The following KLHL13 variants were observed in gnomAD, a reference collection of about 807,000 sequenced individuals.
KLHL13 encodes the protein kelch-like protein 13.
In KLHL13, 10 loss-of-function variants were observed where a neutral mutation model predicts 37.1. That is an observed-to-expected ratio of 0.27 (90% CI 0.17 to 0.46). The LOEUF (loss-of-function observed/expected upper bound fraction) is 0.46, where lower values mean the gene tolerates loss of function less well. Ranked by LOEUF, KLHL13 falls within the 20% of genes least tolerant of loss-of-function variation. KLHL13 has a pLI of 1.00. For synonymous variants in KLHL13, 163 were observed against 181.2 expected (o/e 0.90, Z 0.81); for missense variants, 360 against 509.3 (o/e 0.71, Z 2.82).
intron 2 of KLHL13, among the ~76,000 whole-genome samples, chrX:117,924,735 G>C (rs1239807542): frequency 9.0e-6 from 1 of 110,757 alleles, no homozygotes; most frequent in African/African-American, 3.3e-5. Flanking sequence ...CCTTGGGTTT[G>C]ATTTAAGAGG....
intron 1 of KLHL13, among the ~76,000 whole-genome samples, chrX:118,113,330 G>T (rs1408760081): frequency 1.8e-5 from 2 of 111,454 alleles, no homozygotes; most frequent in African/African-American, 6.5e-5. Context: ...AATTTCCCTG[G>T]ATAATTTTTT....
At chrX:117,922,641 T>C (rs1931780588) in intron 2 of KLHL13, among the ~76,000 whole-genome samples, 1 of 111,490 alleles carries the variant, frequency 9.0e-6, no homozygotes, top group African/African-American at 3.3e-5. Flanking sequence ...TTTGTGGTAG[T>C]TTGTGGTAGT....
intron 1 of KLHL13, among the ~76,000 whole-genome samples, chrX:117,992,329 T>A (rs2147948928): frequency 9.0e-6 from 1 of 110,632 alleles, no homozygotes; most frequent in Admixed American, 9.6e-5. Context: ...CCATCGCACC[T>A]TTCCTGACTC....
chrX:117,904,655 A>T (rs761432659), intron 5 of KLHL13, among the ~76,000 whole-genome samples: 1 of 112,404 alleles, frequency 8.9e-6, no homozygotes, highest in African/African-American at 3.2e-5. Flanking sequence ...AAAATTCTAT[A>T]AAATTCAAAT....
rs143195575 is a variant in KLHL13 at position 118,050,000 on chromosome X, A to C, written c.-56+66508T>G. 7.5e-3 allele frequency among the ~76,000 whole-genome samples: 848 copies of C among 112,389 alleles called. 11 individuals are homozygous for C. Among genetic ancestry groups the C allele is most frequent in the African/African-American group, 0.026 (804 of 30,976 alleles). ...TTCATGTTGGCTATAGGTATACACC[A>C]TACACCATGCAGTTCCACTGCTTAA... On this transcript the variant is annotated intron_variant, in intron 1 of 6. Transcript: ENST00000371882.
intron 1 of KLHL13, among the ~76,000 whole-genome samples, chrX:118,011,776 T>A (rs186271604): frequency 0.011 from 1,228 of 111,706 alleles, 10 homozygotes; most frequent in Admixed American, 0.022. Context: ...GGACATTGGA[T>A]ATGTCATGTT....
intron 1 of KLHL13, among the ~76,000 whole-genome samples, chrX:117,968,288 T>C (rs192364958): frequency 1.7e-4 from 19 of 111,619 alleles, no homozygotes; most frequent in African/African-American, 5.8e-4. Flanking sequence ...CTTGGTGAGG[T>C]AGTGAGCCCT....
chrX:118,082,216 C>G (rs2055003442), intron 1 of KLHL13, among the ~76,000 whole-genome samples: 1 of 110,631 alleles, frequency 9.0e-6, no homozygotes, highest in Non-Finnish European at 1.9e-5. Context: ...TGTACTAATT[C>G]ACAACTCCAC....
At chrX:118,100,203 C>A (rs1021329471) in intron 1 of KLHL13, among the ~76,000 whole-genome samples, 1 of 111,621 alleles carries the variant, frequency 9.0e-6, no homozygotes, top group African/African-American at 3.3e-5. Context: ...AATAAAATGG[C>A]TCCAAAATGC....
chrX:117,985,447 TAAAA>T, intron 1 of KLHL13: 5 of 611,678 alleles, frequency 8.2e-6, no homozygotes, highest in Non-Finnish European at 1.0e-5. Flanking sequence ...TTTATATATT[TAAAA>T]AAAAAAAAAA....
chrX:118,014,672 C>A (rs5955998), intron 1 of KLHL13, among the ~76,000 whole-genome samples: 5,970 of 112,143 alleles, frequency 0.053, 398 homozygotes, highest in African/African-American at 0.18. Flanking sequence ...TATGTGACTT[C>A]GCCTCCAGCG....
At chrX:117,919,129 T>C (rs1197482764) in intron 4 of KLHL13, among the ~76,000 whole-genome samples, 2 of 111,134 alleles carry the variant, frequency 1.8e-5, no homozygotes, top group African/African-American at 6.5e-5. Context: ...GTTCAAGCGA[T>C]TCTCCTGCCT....
At chrX:118,087,111 C>T (rs919889119) in intron 1 of KLHL13, among the ~76,000 whole-genome samples, 3 of 111,154 alleles carry the variant, frequency 2.7e-5, no homozygotes, top group African/African-American at 6.5e-5. Flanking sequence ...AAAGTTTAGG[C>T]AAAATTTGAA....
intron 2 of KLHL13, among the ~76,000 whole-genome samples, chrX:117,924,584 G>A (rs1698540452): frequency 8.9e-6 from 1 of 111,734 alleles, no homozygotes; most frequent in South Asian, 3.7e-4. Context: ...TACCTATGCA[G>A]CTCTGCTTTA....
intron 1 of KLHL13, among the ~76,000 whole-genome samples, chrX:118,076,088 G>A (rs1362079208): frequency 1.8e-5 from 2 of 111,469 alleles, no homozygotes; most frequent in African/African-American, 6.5e-5. Context: ...TTCAGCATTA[G>A]TGATTATTAA....
intron 1 of KLHL13, among the ~76,000 whole-genome samples, chrX:118,089,118 G>C (rs1017846890): frequency 1.8e-5 from 2 of 111,268 alleles, no homozygotes; most frequent in African/African-American, 3.3e-5. Context: ...AAAAAATATG[G>C]CTGCACCCTC....
At chrX:118,013,323 A>G (rs941809590) in intron 1 of KLHL13, among the ~76,000 whole-genome samples, 3 of 112,079 alleles carry the variant, frequency 2.7e-5, no homozygotes, top group African/African-American at 9.7e-5. Flanking sequence ...TTAAGTAAAG[A>G]TCTAGACAAC....
In KLHL13 at chrX:117,919,260, A is replaced by G. The variant is rs185805751; in HGVS notation, c.570+261T>C. Among the ~76,000 whole-genome samples, 22 of 111,887 alleles carry G rather than the reference A, an allele frequency of 2.0e-4. No homozygotes were observed. In the East Asian group the frequency reaches 5.9e-3, roughly 30 times the overall value. On this transcript the variant is annotated intron_variant, in intron 4 of 6. Transcript: ENST00000262820. ...GCTGGTCTTGAACTCCCAACCTTAG[A>G]CGATCTGCCCGCCTCGGCCTCCCAA...
At chrX:117,926,885 C>CCT (rs1932059985) in intron 2 of KLHL13, among the ~76,000 whole-genome samples, 3 of 26,155 alleles carry the variant, frequency 1.1e-4, no homozygotes, top group Non-Finnish European at 2.5e-4. Flanking sequence ...CCCCCTACTT[C>CCT]TTTTTTTTTT....
Sources: gnomAD v4.1 joint callset for allele counts (sites outside exome capture counted in the v4.1 genomes callset) on GRCh38, gnomAD v4.1.1 for gene constraint, MANE v1.5 for transcripts, NCBI Gene and HGNC (gene_info 2026-07-23, HGNC 2026-07-21) for gene names.